MYO5A: variants seen among roughly 807,000 people sequenced by gnomAD.
The protein encoded by MYO5A is unconventional myosin-Va.
MYO5A carries 98 observed loss-of-function variants against 249.7 expected under a neutral mutation model. The ratio of observed to expected loss-of-function variants is 0.39; its 90% CI spans 0.33 to 0.46. The LOEUF is 0.46. Among genes scored for constraint, MYO5A ranks in the 20% least tolerant of loss-of-function variants. The probability of loss-of-function intolerance (pLI) is 0.98; values close to 1 mark genes in which losing one functional copy is unlikely to be tolerated. For synonymous variants in MYO5A, 778 were observed against 810.6 expected (o/e 0.96, Z 0.68); for missense variants, 1,696 against 2,308.8 (o/e 0.73, Z 5.44).
chr15:52,462,948 A>G (rs550293890), intron 1 of MYO5A, among the ~76,000 whole-genome samples: 34 of 152,294 alleles, frequency 2.2e-4, no homozygotes, highest in African/African-American at 7.9e-4. Context: ...CAGCCCTAAG[A>G]TGTTAAGTGG....
chr15:52,507,175 T>A (rs1414859032), intron 1 of MYO5A, among the ~76,000 whole-genome samples: 1 of 152,082 alleles, frequency 6.6e-6, no homozygotes, highest in African/African-American at 2.4e-5. Context: ...GAAGGAGAAA[T>A]GGGTTTGGAA....
Position 52,421,359 on chromosome 15 carries a change from A to C in MYO5A, c.455+4471T>G, listed in dbSNP as rs577216985. ...CCAGATGAGAGGCTCAAGTCAATGAAAAGAGAAATGTAGACATAAGGCCAC... is the reference window on the plus strand; with the variant it reads ...CCAGATGAGAGGCTCAAGTCAATGACAAGAGAAATGTAGACATAAGGCCAC... On this transcript the variant is annotated intron_variant, in intron 4 of 41. Coordinates refer to ENST00000399233, the MANE Select transcript of MYO5A (RefSeq NM_001382347.1). 3.9e-5 allele frequency among the ~76,000 whole-genome samples: 6 copies of C among 152,322 alleles called. No homozygotes were observed. In the East Asian group the frequency reaches 9.6e-4, roughly 24 times the overall value.
At chr15:52,395,817 C>G (rs77810595) in intron 11 of MYO5A, among the ~76,000 whole-genome samples, 5,902 of 152,264 alleles carry the variant, frequency 0.039, 163 homozygotes, top group Middle Eastern at 0.078. Flanking sequence ...CAATACTCCT[C>G]TAAGATATTT....
At position 52,488,505 on chromosome 15, in the gene MYO5A, C is replaced by T. The variant is rs139918708; in HGVS notation, c.27+40275G>A. ...AAAATTCTGCTGCTGGTGCTAGTCC[C>T]TAGACCTAGGCTTTAAAACAACAAA... On this transcript the variant is annotated intron_variant, in intron 1 of 41. Transcript: ENST00000399233. Among the ~76,000 whole-genome samples the T allele has an allele frequency of 2.8e-3, 433 of 152,300 alleles. 4 individuals are homozygous for T. The highest frequency in any genetic ancestry group is 9.7e-3 in the African/African-American group (403 of 41,566).
At chr15:52,496,950 G>C (rs2077049607) in intron 1 of MYO5A, among the ~76,000 whole-genome samples, 1 of 152,094 alleles carries the variant, frequency 6.6e-6, no homozygotes, top group Non-Finnish European at 1.5e-5. Flanking sequence ...AAGAGGGTGT[G>C]ATCTTAGTTG....
rs1009157 is a variant in MYO5A at position 52,376,625 on chromosome 15, G to A, written c.2209-67C>T. On this transcript the variant is annotated intron_variant, in intron 18 of 41. Coordinates refer to ENST00000399233, the MANE Select transcript of MYO5A (RefSeq NM_001382347.1). ...ATAAGTGAAATTTAAAAGAAAAAAT[G>A]TCTAAAAGCAGAATCAGTAAAGGAA... 0.57 allele frequency: 823,933 copies of A among 1,449,658 alleles called. 248,394 individuals are homozygous for A. The highest frequency in any genetic ancestry group is 0.62 in the Non-Finnish European group (652,303 of 1,048,580). 89.8% of individuals were successfully genotyped at this position (1,449,658 alleles called of 1,614,324 possible).
rs575067651 is a variant in MYO5A at position 52,397,388 on chromosome 15, G to A, written c.1132C>T (p.Arg378Trp). The change falls in exon 10 of 42, where the codon CGG becomes TGG. Residue 378 changes from arginine (R) to tryptophan (W), a missense_variant. Physicochemically the swap from Arg to Trp is moderately radical, Grantham distance 101. Around this residue, in one of 5 missense-constraint regions of MYO5A, gnomAD observed 185 missense variants for 204.8 expected, o/e 0.90. Transcript: ENST00000399233. ...GTCTCTGTGGCAGTAGCCAGTTTCC[G>A]ATGGCAGAGCCAGTGACACATCTCC... ...YEEMCHWLCH[R>W]KLATATETYI... is the part of the protein sequence containing the mutation. 108 of 1,614,086 alleles carry A rather than the reference G, an allele frequency of 6.7e-5. No homozygotes were observed. The highest frequency in any genetic ancestry group is 5.1e-4 in the East Asian group (23 of 44,872).
chr15:52,425,828 AC>A lies in MYO5A; in HGVS notation c.455+1del. 6.2e-7 allele frequency: 1 copy of A among 1,613,946 alleles called. No homozygotes were observed. Among genetic ancestry groups the A allele is most frequent in the Middle Eastern group, 1.6e-4 (1 of 6,062 alleles). On this transcript the variant is annotated splice_donor_variant, in intron 4 of 41. Coordinates refer to ENST00000399233, the MANE Select transcript of MYO5A (RefSeq NM_001382347.1). LOFTEE classifies it high-confidence loss of function. Reference sequence around the variant, plus strand: ...AAAATAACAATGAAAGCTTCTACCAACCTGGCCATTTGCTTGTAAGCTTCTT... The same window carrying A: ...AAAATAACAATGAAAGCTTCTACCAACTGGCCATTTGCTTGTAAGCTTCTT...
intron 1 of MYO5A, among the ~76,000 whole-genome samples, chr15:52,494,428 T>G (rs1038882449): frequency 6.6e-6 from 1 of 152,182 alleles, no homozygotes; most frequent in African/African-American, 2.4e-5. Context: ...TATACTATAG[T>G]ATTTAGTCAC....
intron 1 of MYO5A, among the ~76,000 whole-genome samples, chr15:52,459,958 C>T (rs2076208853): frequency 6.6e-6 from 1 of 151,852 alleles, no homozygotes; most frequent in African/African-American, 2.4e-5. Flanking sequence ...ACGCTCCTCA[C>T]CTCCCAGACG....
At chr15:52,478,215 C>T (rs980981515) in intron 1 of MYO5A, among the ~76,000 whole-genome samples, 3 of 152,174 alleles carry the variant, frequency 2.0e-5, no homozygotes, top group African/African-American at 4.8e-5. Context: ...CCGAGCCAGG[C>T]GCGGGATATA....
chr15:52,375,236 T>A (rs1324035813), intron 20 of MYO5A, 68 bp downstream of exon 20: 2 of 1,518,798 alleles, frequency 1.3e-6, no homozygotes, highest in African/African-American at 2.7e-5. Context: ...CCTGTGGTAC[T>A]CTGTATAGAT....
chr15:52,416,438 G>A, intron 4 of MYO5A, 137 bp from the exon 5 acceptor site: 4 of 822,090 alleles, frequency 4.9e-6, no homozygotes, highest in Non-Finnish European at 2.0e-6. Context: ...ATAACACCAA[G>A]GTCTCAGGTT....
rs534565163 is a variant in MYO5A, at chr15:52,402,359, T to A, written c.1053+2928A>T. Among the ~76,000 whole-genome samples, 3 of 152,282 alleles carry A rather than the reference T, an allele frequency of 2.0e-5. No individual in the cohort carries two copies. In the South Asian group the frequency reaches 6.2e-4, roughly 32 times the overall value. ...TTGGAGTGGGTGGTGGGCAAATTGA[T>A]TACTAGCTCCCCACTTAGGGTCTCA... On this transcript the variant is annotated intron_variant, in intron 9 of 41. Transcript: ENST00000399233.
In MYO5A at chr15:52,310,377, A is replaced by G. The variant is rs1410245263; in HGVS notation, c.*3319T>C. 6.6e-6 allele frequency: 1 copy of G among 152,244 alleles called. No individual in the cohort carries two copies. Among genetic ancestry groups the G allele is most frequent in the Non-Finnish European group, 1.5e-5 (1 of 68,046 alleles). 9.4% of individuals were successfully genotyped at this position (152,244 alleles called of 1,614,324 possible). The stretch of plus-strand genomic sequence containing the variant: ...AATTACTTTTAAATTTTCAGCTTCA[A>G]GTTGTAAGGGTGTGAGGTGAGTCTG... On this transcript the variant is annotated 3_prime_UTR_variant, in exon 42 of 42. Coordinates refer to ENST00000399233, the MANE Select transcript of MYO5A (RefSeq NM_001382347.1).
At chr15:52,410,082 C>T (rs550660423) in intron 6 of MYO5A, among the ~76,000 whole-genome samples, 48 of 152,296 alleles carry the variant, frequency 3.2e-4, no homozygotes, top group African/African-American at 1.1e-3. Context: ...CTCAACTAAG[C>T]TTTCCCGCAA....
intron 1 of MYO5A, among the ~76,000 whole-genome samples, chr15:52,501,114 C>A (rs1019495318): frequency 2.6e-5 from 4 of 151,832 alleles, no homozygotes; most frequent in Non-Finnish European, 5.9e-5. Context: ...GGACTACAGG[C>A]GCCTCCCACC....
chr15:52,517,724 T>C (rs1322931856), intron 1 of MYO5A, among the ~76,000 whole-genome samples: 1 of 152,116 alleles, frequency 6.6e-6, no homozygotes, highest in South Asian at 2.1e-4. Flanking sequence ...AAAATATATA[T>C]ACAGATATAT....
intron 1 of MYO5A, among the ~76,000 whole-genome samples, chr15:52,483,697 T>C (rs2076761428): frequency 6.6e-6 from 1 of 152,180 alleles, no homozygotes; most frequent in African/African-American, 2.4e-5. Context: ...TGAGCAAATG[T>C]TATGTTAAAA....
Sources: gnomAD v4.1 joint callset for allele counts (sites outside exome capture counted in the v4.1 genomes callset) on GRCh38, gnomAD v4.1.1 for gene constraint, gnomAD v4.1.1 regional missense constraint, MANE v1.5 for transcripts, NCBI Gene and HGNC (gene_info 2026-07-23, HGNC 2026-07-21) for gene names.